Variants in TTC23 observed in about 807,000 individuals in gnomAD.
TTC23 encodes the protein tetratricopeptide repeat protein 23.
TTC23 carries 58 observed loss-of-function variants against 55.1 expected under a neutral mutation model. The observed-to-expected ratio is 1.05, with a 90% confidence interval of 0.85 to 1.31. The LOEUF (loss-of-function observed/expected upper bound fraction) is 1.31, where lower values mean the gene tolerates loss of function less well. Among genes scored for constraint, TTC23 ranks in the 50% most tolerant of loss-of-function variants. The pLI, the probability that TTC23 is intolerant of heterozygous loss-of-function variation, is 0.00. For missense variants in TTC23, 516 were observed against 534.4 expected (o/e 0.97, Z 0.34); for synonymous variants, 203 against 199.9 (o/e 1.02, Z -0.13).
intron 12 of TTC23, among the ~76,000 whole-genome samples, chr15:99,153,782 A>T (rs1417408908): frequency 6.6e-6 from 1 of 152,222 alleles, no homozygotes; most frequent in Non-Finnish European, 1.5e-5. Flanking sequence ...TTAAGGAAGT[A>T]GAGAATAGGA....
chr15:99,188,579 T>G (rs1224405798), intron 9 of TTC23, among the ~76,000 whole-genome samples: 1 of 152,050 alleles, frequency 6.6e-6, no homozygotes, highest in Non-Finnish European at 1.5e-5. Context: ...ATGTATAAGA[T>G]ATGAAGGATT....
At chr15:99,146,021 G>A (rs543031165) in intron 12 of TTC23, among the ~76,000 whole-genome samples, 1 of 152,278 alleles carries the variant, frequency 6.6e-6, no homozygotes, top group South Asian at 2.1e-4. Context: ...TCACCTCCAG[G>A]TTGCCAAGTC....
intron 5 of TTC23, among the ~76,000 whole-genome samples, chr15:99,225,845 A>G (rs1210732272): frequency 6.6e-6 from 1 of 152,218 alleles, no homozygotes; most frequent in Non-Finnish European, 1.5e-5. Flanking sequence ...TCTGCAGTAA[A>G]GAAACCTGCC....
intron 9 of TTC23, among the ~76,000 whole-genome samples, chr15:99,189,128 T>C (rs1188337771): frequency 6.6e-6 from 1 of 152,140 alleles, no homozygotes; most frequent in Non-Finnish European, 1.5e-5. Context: ...TAAAATGTAT[T>C]ATTATACATC....
At chr15:99,225,262 C>A (rs1350708550) in intron 5 of TTC23, among the ~76,000 whole-genome samples, 2 of 152,174 alleles carry the variant, frequency 1.3e-5, no homozygotes, top group African/African-American at 4.8e-5. Context: ...ATTGGTTTTC[C>A]AACCTTTATT....
intron 10 of TTC23, among the ~76,000 whole-genome samples, chr15:99,174,636 C>T (rs537906276): frequency 1.3e-5 from 2 of 152,270 alleles, no homozygotes; most frequent in African/African-American, 2.4e-5. Context: ...ATCCTGAAGC[C>T]GTGTAAGTTC....
chr15:99,175,683 C>G (rs2073468482), intron 9 of TTC23, among the ~76,000 whole-genome samples: 1 of 152,220 alleles, frequency 6.6e-6, no homozygotes, highest in Non-Finnish European at 1.5e-5. Flanking sequence ...AGCTCAGTTC[C>G]TTGAAAATAA....
chr15:99,229,641 C>G (rs1419153931), intron 4 of TTC23, among the ~76,000 whole-genome samples: 1 of 152,174 alleles, frequency 6.6e-6, no homozygotes, highest in Non-Finnish European at 1.5e-5. Context: ...GGGACACCCT[C>G]AAGTATAGGG....
At chr15:99,189,763 G>A (rs1193868581) in intron 9 of TTC23, among the ~76,000 whole-genome samples, 1 of 152,174 alleles carries the variant, frequency 6.6e-6, no homozygotes, top group South Asian at 2.1e-4. Context: ...AAGAAGAGAA[G>A]AGCCATGACA....
At position 99,228,487 on chromosome 15, in the gene TTC23, T is replaced by C. The variant is rs1209679465; in HGVS notation, c.180+46A>G. ...TTCTACTTCTCTTGATTATACCATA[T>C]AGCTCAATTCTCAGAGTAGAAATAC... On this transcript the variant is annotated intron_variant, in intron 5 of 13. Transcript: ENST00000394132. The C allele has an allele frequency of 7.5e-5, 113 of 1,510,270 alleles. No homozygotes were observed. In the East Asian group the frequency reaches 2.3e-3, roughly 31 times the overall value. The allele number at this position is 1,510,270 out of a possible 1,614,324, so 93.6% of individuals were successfully genotyped here.
At chr15:99,170,264 C>T (rs913425277) in intron 10 of TTC23, among the ~76,000 whole-genome samples, 4 of 152,148 alleles carry the variant, frequency 2.6e-5, no homozygotes, top group African/African-American at 4.8e-5. Flanking sequence ...TCAGCTTGTG[C>T]GTCGAGACTG....
chr15:99,176,420 G>A (rs1271231041), intron 9 of TTC23, among the ~76,000 whole-genome samples: 1 of 152,080 alleles, frequency 6.6e-6, no homozygotes, highest in African/African-American at 2.4e-5. Context: ...AGATGAGCCT[G>A]GGCAACATGG....
Position 99,197,819 on chromosome 15 carries a change from T to A in TTC23, c.759+2100A>T, listed in dbSNP as rs537135589. ...TACTCGGGAGGCTGAGGCAAGAGAA[T>A]TGCTTGAACCCAGGAGGTGGAGGTT... On this transcript the variant is annotated intron_variant, in intron 9 of 13. Coordinates refer to ENST00000394132, the MANE Select transcript of TTC23 (RefSeq NM_001288615.3). Among the ~76,000 whole-genome samples, 12 of 151,852 alleles carry A rather than the reference T, an allele frequency of 7.9e-5. No individual in the cohort carries two copies. The East Asian group carries it at 1.8e-3, about 22-fold the overall frequency.
intron 12 of TTC23, among the ~76,000 whole-genome samples, chr15:99,150,101 CT>C (rs1449262152): frequency 6.6e-6 from 1 of 152,242 alleles, no homozygotes; most frequent in Non-Finnish European, 1.5e-5. Flanking sequence ...GTTTTCCTCT[CT>C]CCTGCAGAGG....
At chr15:99,138,672 A>G (rs62023641) in intron 13 of TTC23, among the ~76,000 whole-genome samples, 11,701 of 152,250 alleles carry the variant, frequency 0.077, 468 homozygotes, top group South Asian at 0.088. Flanking sequence ...CTCAACCCTT[A>G]GCTGGCTTGG....
At position 99,218,625 on chromosome 15, in the gene TTC23, T is replaced by C; in HGVS notation, c.544A>G (p.Ile182Val). The change falls in exon 8 of 14, where the codon ATA becomes GTA. Residue 182 changes from isoleucine (I) to valine (V), a missense_variant. Coordinates refer to ENST00000394132, the MANE Select transcript of TTC23 (RefSeq NM_001288615.3). The stretch of plus-strand genomic sequence containing the variant: ...AATCTGATCCGTGCTTCAATTTCTA[T>C]CCATTCTTCCTTTATAATTCTTCCA... ...QCGRIIKEEW[I>V]EIEARIRLSF... is the part of the protein sequence containing the mutation. 5 of 1,614,216 alleles carry C rather than the reference T, an allele frequency of 3.1e-6. No homozygotes were observed. The highest frequency in any genetic ancestry group is 4.2e-6 in the Non-Finnish European group (5 of 1,180,036).
At chr15:99,226,131 A>G (rs2078390292) in intron 5 of TTC23, among the ~76,000 whole-genome samples, 1 of 152,272 alleles carries the variant, frequency 6.6e-6, no homozygotes, top group African/African-American at 2.4e-5. Flanking sequence ...AGGAGACTAA[A>G]GAGACATGAC....
intron 9 of TTC23, 68 bp downstream of exon 9, chr15:99,199,851 G>A: frequency 6.9e-7 from 1 of 1,455,730 alleles, no homozygotes; most frequent in Non-Finnish European, 9.2e-7. Flanking sequence ...CAGAGCTGCT[G>A]TGCCACTTGT....
intron 10 of TTC23, among the ~76,000 whole-genome samples, 191 bp downstream of exon 10, chr15:99,174,859 G>A (rs1252333754): frequency 6.6e-6 from 1 of 152,098 alleles, no homozygotes; most frequent in Non-Finnish European, 1.5e-5. Flanking sequence ...AAGGCTAGAA[G>A]AAGGGGAGAG....
Sources: allele counts gnomAD v4.1 joint callset (sites outside exome capture counted in the v4.1 genomes callset), GRCh38; gene constraint gnomAD v4.1.1; transcripts MANE v1.5; gene names NCBI Gene and HGNC (gene_info 2026-07-23, HGNC 2026-07-21).